ULK4: variants seen among roughly 807,000 people sequenced by gnomAD.
ULK4 encodes the protein inactive serine/threonine-protein kinase ULK4.
In ULK4, 133 loss-of-function variants were observed where a neutral mutation model predicts 160.6. The ratio of observed to expected loss-of-function variants is 0.83; its 90% CI spans 0.72 to 0.96. The LOEUF is 0.96. Among genes scored for constraint, ULK4 ranks in the 40% least tolerant of loss-of-function variants. The pLI is 0.00. For missense variants in ULK4, 1,580 were observed against 1,499.5 expected, an observed-to-expected ratio of 1.05 and a Z score of -0.89; for synonymous variants, 534 against 539.8, an observed-to-expected ratio of 0.99 and a Z score of 0.15.
At chr3:41,936,778 G>C (rs1282100129) in intron 3 of ULK4, among the ~76,000 whole-genome samples, 1 of 152,148 alleles carries the variant, frequency 6.6e-6, no homozygotes, top group Non-Finnish European at 1.5e-5. Flanking sequence ...AAGGATAGTG[G>C]GGAGGTGGTG....
chr3:41,961,628 G>C (rs988277535), intron 1 of ULK4, among the ~76,000 whole-genome samples: 1 of 147,842 alleles, frequency 6.8e-6, no homozygotes, highest in African/African-American at 2.6e-5. Context: ...CGCTACGTCC[G>C]TAGGCATCAG....
intron 31 of ULK4, 49 bp downstream of exon 31, chr3:41,615,620 A>C: frequency 6.3e-7 from 1 of 1,582,390 alleles, no homozygotes; most frequent in Non-Finnish European, 8.6e-7. Context: ...TAAAATCTTT[A>C]CAATTTCAAA....
intron 35 of ULK4, among the ~76,000 whole-genome samples, chr3:41,323,082 C>T (rs1404832097): frequency 6.6e-6 from 1 of 151,972 alleles, no homozygotes; most frequent in Non-Finnish European, 1.5e-5. Context: ...GGATTACAGG[C>T]GTGCACCACC....
At chr3:41,425,151 C>A (rs1040339744) in intron 34 of ULK4, among the ~76,000 whole-genome samples, 16 of 151,946 alleles carry the variant, frequency 1.1e-4, no homozygotes, top group Admixed American at 1.0e-3. Context: ...CGCAATGCAA[C>A]CACAAGTATC....
chr3:41,755,026 C>T (rs1424820780), intron 21 of ULK4, among the ~76,000 whole-genome samples: 4 of 152,196 alleles, frequency 2.6e-5, no homozygotes, highest in Non-Finnish European at 5.9e-5. Context: ...TAATTCAACA[C>T]AGAGGACTAA....
intron 35 of ULK4, among the ~76,000 whole-genome samples, chr3:41,360,957 G>GA (rs1347494025): frequency 4.0e-5 from 6 of 151,732 alleles, no homozygotes; most frequent in East Asian, 3.9e-4. Context: ...AAAAAGGAAG[G>GA]AAAAAAACAG....
rs1358795471 is a variant in ULK4, at chr3:41,566,268, AC to A, written c.3121-139del. ...TTACCTTTTTGCACTTTAATGAAGC[AC>A]ATCCTTCTATGTTAAGACAAATCCC... is the stretch of plus-strand genomic sequence containing the variant. On this transcript the variant is annotated intron_variant, in intron 31 of 36. Coordinates refer to ENST00000301831, the MANE Select transcript of ULK4 (RefSeq NM_017886.4). 6 of 693,246 alleles carry A rather than the reference AC, an allele frequency of 8.7e-6. No homozygotes were observed. In the African/African-American group the frequency reaches 1.1e-4, roughly 13 times the overall value. 42.9% of individuals were successfully genotyped at this position (693,246 alleles called of 1,614,324 possible).
At chr3:41,310,088 C>T (rs1239149507) in intron 35 of ULK4, among the ~76,000 whole-genome samples, 1 of 152,114 alleles carries the variant, frequency 6.6e-6, no homozygotes, top group Non-Finnish European at 1.5e-5. Flanking sequence ...GAAGGCTCCT[C>T]AACCTTTTTT....
At chr3:41,598,790 G>A (rs1343381057) in intron 31 of ULK4, among the ~76,000 whole-genome samples, 1 of 152,168 alleles carries the variant, frequency 6.6e-6, no homozygotes, top group Non-Finnish European at 1.5e-5. Flanking sequence ...AGAATAGTAA[G>A]TGGTATTATG....
At chr3:41,488,211 T>C (rs2084614843) in intron 32 of ULK4, among the ~76,000 whole-genome samples, 1 of 152,244 alleles carries the variant, frequency 6.6e-6, no homozygotes, top group South Asian at 2.1e-4. Flanking sequence ...AGAGTAACTT[T>C]TTAATGGAAT....
intron 29 of ULK4, among the ~76,000 whole-genome samples, chr3:41,673,673 AATAT>A (rs546918279): frequency 6.7e-6 from 1 of 148,714 alleles, no homozygotes; most frequent in Admixed American, 6.7e-5. Flanking sequence ...CTCAAACCTA[AATAT>A]ATATATATAT....
chr3:41,542,532 C>G (rs1342175013), intron 32 of ULK4, among the ~76,000 whole-genome samples: 6 of 152,106 alleles, frequency 3.9e-5, no homozygotes, highest in Admixed American at 3.9e-4. Context: ...ATGCTGGCCT[C>G]ATAAAATGAG....
At chr3:41,476,659 C>T (rs1236106621) in intron 32 of ULK4, among the ~76,000 whole-genome samples, 1 of 151,954 alleles carries the variant, frequency 6.6e-6, no homozygotes, top group African/African-American at 2.4e-5. Context: ...CTCATCTAGA[C>T]TCAGTCTAAG....
At chr3:41,637,474 G>A (rs761650725) in intron 30 of ULK4, among the ~76,000 whole-genome samples, 4 of 152,006 alleles carry the variant, frequency 2.6e-5, no homozygotes, top group Non-Finnish European at 5.9e-5. Flanking sequence ...CCATATTTTG[G>A]CTATTGTGAA....
At chr3:41,833,164 G>A (rs887556018) in intron 18 of ULK4, among the ~76,000 whole-genome samples, 2 of 151,974 alleles carry the variant, frequency 1.3e-5, no homozygotes, top group African/African-American at 4.8e-5. Context: ...CTATCCATGA[G>A]GATGCAATGC....
At chr3:41,370,077 G>A (rs1052808607) in intron 35 of ULK4, among the ~76,000 whole-genome samples, 8 of 151,932 alleles carry the variant, frequency 5.3e-5, no homozygotes, top group Admixed American at 1.3e-4. Flanking sequence ...TAAAGGGCCC[G>A]GTATCTGTGA....
chr3:41,317,406 C>A (rs2080166423), intron 35 of ULK4, among the ~76,000 whole-genome samples: 1 of 152,108 alleles, frequency 6.6e-6, no homozygotes, highest in Non-Finnish European at 1.5e-5. Context: ...AATTCAAACT[C>A]ATTTCTTCTG....
chr3:41,675,721 A>T (rs972622713), intron 29 of ULK4, among the ~76,000 whole-genome samples: 1 of 152,192 alleles, frequency 6.6e-6, no homozygotes, highest in African/African-American at 2.4e-5. Context: ...AAAGGGAGAA[A>T]GCCATATGAA....
At chr3:41,424,337 C>G (rs557634563) in intron 34 of ULK4, among the ~76,000 whole-genome samples, 72 of 152,334 alleles carry the variant, frequency 4.7e-4, no homozygotes, top group African/African-American at 1.7e-3. Flanking sequence ...TTAGTCTTTC[C>G]TCCTGCTGGC....
Sources: gnomAD v4.1 joint callset for allele counts (sites outside exome capture counted in the v4.1 genomes callset) on GRCh38, gnomAD v4.1.1 for gene constraint, MANE v1.5 for transcripts, NCBI Gene and HGNC (gene_info 2026-07-23, HGNC 2026-07-21) for gene names.